The following STEEP1 variants were observed in gnomAD, a reference collection of about 807,000 sequenced individuals.
STEEP1 encodes STING ER exit protein.
Under a neutral mutation model 19.2 loss-of-function variants are expected in STEEP1, and 3 were observed. The observed-to-expected ratio is 0.16, with a 90% CI of 0.07 to 0.40. The LOEUF (loss-of-function observed/expected upper bound fraction) is 0.40, where lower values mean the gene tolerates loss of function less well. Among genes scored for constraint, STEEP1 ranks in the 10% least tolerant of loss-of-function variants. The pLI, the probability that STEEP1 is intolerant of heterozygous loss-of-function variation, is 0.99. For synonymous variants in STEEP1, 46 were observed against 63.7 expected (o/e 0.72, Z 1.32); for missense variants, 54 against 177.1 (o/e 0.30, Z 3.94).
chrX:119,556,677 T>C (rs2053280912), intron 2 of STEEP1, among the ~76,000 whole-genome samples: 2 of 110,563 alleles, frequency 1.8e-5, no homozygotes, highest in Admixed American at 9.7e-5. Flanking sequence ...GCCTTCATCA[T>C]GTTGGATCTG....
Position 119,551,350 on chromosome X carries a change from C to T in STEEP1, c.243-5846G>A, listed in dbSNP as rs142328932. Among the ~76,000 whole-genome samples the T allele has an allele frequency of 8.5e-3, 926 of 109,456 alleles. 12 individuals carry two copies. The highest frequency in any genetic ancestry group is 0.03 in the African/African-American group (895 of 30,001). ...AAAAAATTAGCCGGGCATGGTGGTA[C>T]GTGCCTGTAATCCCAGCTACTTGGG... On this transcript the variant is annotated intron_variant, in intron 2 of 6. Transcript: ENST00000644802.
chrX:119,552,619 T>C (rs947509296), intron 2 of STEEP1, among the ~76,000 whole-genome samples: 4 of 111,506 alleles, frequency 3.6e-5, no homozygotes, highest in African/African-American at 1.3e-4. Flanking sequence ...TCCTCCTGGG[T>C]TGTTATGGAA....
chrX:119,550,682 A>C (rs772248124), intron 2 of STEEP1, among the ~76,000 whole-genome samples: 58 of 112,154 alleles, frequency 5.2e-4, no homozygotes, highest in Non-Finnish European at 9.4e-4. Context: ...TTTTTGAAAC[A>C]GATTCGGGCT....
rs1437169841 is a variant in STEEP1, at chrX:119,557,167, A to AAAAAAG, written c.242+3100_242+3101insCTTTTT. Among the ~76,000 whole-genome samples, 26 of 106,356 alleles carry AAAAAAG rather than the reference A, an allele frequency of 2.4e-4. 1 individual carries two copies. The highest frequency in any genetic ancestry group is 4.9e-4 in the Non-Finnish European group (25 of 51,445). The allele number at this position is 106,356 out of a possible 115,157, so 92.4% of individuals were successfully genotyped here. A position where few individuals can be genotyped will look rare whatever the true frequency, so the allele number is the denominator to read the frequency against. On this transcript the variant is annotated intron_variant, in intron 2 of 6. Transcript: ENST00000644802. Reference sequence around the variant, plus strand: ...CGAGACTCTATCTCAAAAAAAAAAAAAAAAAAGAAAAGAAAGAAAGAAAAC... The same window carrying AAAAAAG: ...CGAGACTCTATCTCAAAAAAAAAAAAAAAAAGAAAAAAGAAAAGAAAGAAAGAAAAC...
At chrX:119,556,038 G>T (rs959151649) in intron 2 of STEEP1, among the ~76,000 whole-genome samples, 5 of 111,833 alleles carry the variant, frequency 4.5e-5, no homozygotes, top group African/African-American at 1.6e-4. Flanking sequence ...GGATAGCAGG[G>T]CAAAGGCTCT....
At chrX:119,564,194 C>T (rs1199181961) in intron 1 of STEEP1, among the ~76,000 whole-genome samples, 2 of 111,312 alleles carry the variant, frequency 1.8e-5, no homozygotes, top group East Asian at 5.7e-4. Flanking sequence ...AAAAGGGAGC[C>T]AGACAAGGGG....
chrX:119,552,444 T>G (rs781339696), intron 2 of STEEP1, among the ~76,000 whole-genome samples: 1 of 112,388 alleles, frequency 8.9e-6, no homozygotes, highest in East Asian at 2.8e-4. Context: ...AGGGAAATAG[T>G]TAATGTTTAC....
At chrX:119,560,669 A>G (rs762856669) in intron 1 of STEEP1, among the ~76,000 whole-genome samples, 4 of 111,796 alleles carry the variant, frequency 3.6e-5, no homozygotes, top group African/African-American at 1.3e-4. Context: ...GTTAGATGAT[A>G]TTATCTCAAA....
At chrX:119,549,615 T>C (rs1463816724) in intron 2 of STEEP1, among the ~76,000 whole-genome samples, 1 of 112,168 alleles carries the variant, frequency 8.9e-6, no homozygotes, top group Admixed American at 9.6e-5. Context: ...ATAAAAGAGA[T>C]TGATTTCTCA....
At chrX:119,550,790 G>A (rs1006836829) in intron 2 of STEEP1, among the ~76,000 whole-genome samples, 10 of 111,554 alleles carry the variant, frequency 9.0e-5, no homozygotes, top group Admixed American at 8.6e-4. Context: ...TCAGCCCCGA[G>A]CAGCTGAGAC....
chrX:119,546,301 C>T (rs762289048), intron 2 of STEEP1, among the ~76,000 whole-genome samples: 8 of 108,987 alleles, frequency 7.3e-5, no homozygotes, highest in East Asian at 2.9e-4. Context: ...ATTAGCTGGG[C>T]GTGGTGGCGG....
chrX:119,539,655 T>C lies in STEEP1; in HGVS notation c.*72A>G, dbSNP rs2053149994. On this transcript the variant is annotated 3_prime_UTR_variant, in exon 7 of 7. Coordinates refer to ENST00000644802, the MANE Select transcript of STEEP1 (RefSeq NM_022101.4). ...TAGGGCATAAATAGGAATCCGTCTA[T>C]GTAATCAAGAAATTACTTTGCCTCC... The C allele has an allele frequency of 1.1e-5, 9 of 827,261 alleles. No individual in the cohort carries two copies. Among genetic ancestry groups the C allele is most frequent in the Middle Eastern group, 4.1e-4 (1 of 2,415 alleles). The allele number at this position is 827,261 out of a possible 1,213,427, so 68.2% of individuals were successfully genotyped here.
At chrX:119,542,090 CAG>C (rs2053167466) in intron 5 of STEEP1, among the ~76,000 whole-genome samples, 1 of 75,971 alleles carries the variant, frequency 1.3e-5, no homozygotes, top group Non-Finnish European at 2.6e-5. Context: ...TTTTTTGAGA[CAG>C]AGACCCGCTC....
At chrX:119,557,333 C>T (rs764243982) in intron 2 of STEEP1, among the ~76,000 whole-genome samples, 3 of 107,712 alleles carry the variant, frequency 2.8e-5, no homozygotes, top group Non-Finnish European at 3.8e-5. Flanking sequence ...CACAGTGGCT[C>T]ATGCCTGTGA....
intron 1 of STEEP1, among the ~76,000 whole-genome samples, chrX:119,562,351 G>C (rs181478484): frequency 7.2e-5 from 8 of 111,433 alleles, no homozygotes; most frequent in African/African-American, 2.3e-4. Context: ...GACCAACATG[G>C]AGAAACCCTG....
intron 2 of STEEP1, among the ~76,000 whole-genome samples, chrX:119,557,478 C>CAAAAAAAAAAAAA (rs55913451): frequency 1.5e-5 from 1 of 68,960 alleles, no homozygotes; most frequent in African/African-American, 6.4e-5. Context: ...CACACCATCT[C>CAAAAAAAAAAAAA]AAAAAAAAAA....
chrX:119,544,611 T>C (rs1195693232), intron 3 of STEEP1, 120 bp from the exon 4 acceptor site: 9 of 679,524 alleles, frequency 1.3e-5, no homozygotes, highest in South Asian at 8.5e-5. Flanking sequence ...AATGACTGGC[T>C]CTTCTCAGTG....
chrX:119,542,929 T>C (rs1250174752), intron 4 of STEEP1, among the ~76,000 whole-genome samples: 1 of 99,490 alleles, frequency 1.0e-5, no homozygotes, highest in East Asian at 3.1e-4. Context: ...ACCTCCCACG[T>C]AGCTAGGATT....
At chrX:119,554,166 C>A (rs982637383) in intron 2 of STEEP1, among the ~76,000 whole-genome samples, 1 of 112,130 alleles carries the variant, frequency 8.9e-6, no homozygotes, top group Non-Finnish European at 1.9e-5. Context: ...CATTCTCGGC[C>A]GGGCACGGTG....
Sources: allele counts gnomAD v4.1 joint callset (sites outside exome capture counted in the v4.1 genomes callset), GRCh38; gene constraint gnomAD v4.1.1; transcripts MANE v1.5; gene names NCBI Gene and HGNC (gene_info 2026-07-23, HGNC 2026-07-21).